The following AK7 variants were observed in gnomAD, a reference collection of about 807,000 sequenced individuals.
AK7 encodes the protein adenylate kinase 7.
A neutral mutation model predicts 96.6 loss-of-function variants in AK7; 78 were observed. The observed-to-expected ratio is 0.81, with a 90% confidence interval of 0.67 to 0.97. AK7 has a LOEUF of 0.97. AK7 is among the 50% of genes least tolerant of loss of function. The pLI, the probability that AK7 is intolerant of heterozygous loss-of-function variation, is 0.00. For synonymous variants in AK7, 302 were observed against 317.2 expected, an observed-to-expected ratio of 0.95 and a Z score of 0.51; for missense variants, 855 against 887.9, an observed-to-expected ratio of 0.96 and a Z score of 0.47.
At chr14:96,428,878 G>A (rs996935436) in intron 5 of AK7, among the ~76,000 whole-genome samples, 2 of 151,986 alleles carry the variant, frequency 1.3e-5, no homozygotes, top group Non-Finnish European at 2.9e-5. Context: ...TTGTCAGATG[G>A]GTAGATTACA....
intron 5 of AK7, 25 bp from the exon 6 acceptor site, chr14:96,437,810 T>C (rs1892725321): frequency 6.4e-7 from 1 of 1,570,868 alleles, no homozygotes; most frequent in Admixed American, 1.8e-5. Context: ...CATCCAGCTT[T>C]TTTTTTCTGT....
intron 5 of AK7, among the ~76,000 whole-genome samples, chr14:96,431,483 G>A (rs563187496): frequency 6.6e-6 from 1 of 152,346 alleles, no homozygotes; most frequent in Admixed American, 6.5e-5. Context: ...TGATTTCAAA[G>A]AACATCTTTA....
chr14:96,424,564 C>T (rs996320736), intron 5 of AK7, among the ~76,000 whole-genome samples: 1 of 151,956 alleles, frequency 6.6e-6, no homozygotes, highest in African/African-American at 2.4e-5. Flanking sequence ...GCTAAGTGAA[C>T]GCTAATAATA....
intron 15 of AK7, among the ~76,000 whole-genome samples, chr14:96,481,034 C>T (rs757531670): frequency 6.6e-6 from 1 of 152,162 alleles, no homozygotes; most frequent in Non-Finnish European, 1.5e-5. Context: ...GTACTCTCCC[C>T]CTCTGTGGCC....
chr14:96,415,049 A>G (rs2140022626), intron 4 of AK7, among the ~76,000 whole-genome samples: 1 of 152,110 alleles, frequency 6.6e-6, no homozygotes, highest in South Asian at 2.1e-4. Flanking sequence ...ATGACCGAAC[A>G]TGGCTGAAGA....
intron 14 of AK7, among the ~76,000 whole-genome samples, chr14:96,473,325 C>T (rs1297238139): frequency 1.3e-5 from 2 of 151,856 alleles, no homozygotes; most frequent in East Asian, 4.0e-4. Context: ...CGCCTACCAC[C>T]ATGACTGGCT....
intron 12 of AK7, among the ~76,000 whole-genome samples, chr14:96,467,999 G>A (rs1894667509): frequency 6.7e-6 from 1 of 149,588 alleles, no homozygotes; most frequent in Admixed American, 6.8e-5. Flanking sequence ...CGCTTTGAGA[G>A]GCTGAGGCAG....
chr14:96,397,981 G>A, intron 1 of AK7, 94 bp from the exon 2 acceptor site: 2 of 1,311,072 alleles, frequency 1.5e-6, no homozygotes, highest in Non-Finnish European at 2.1e-6. Flanking sequence ...CACCCAGCAA[G>A]CACTCGGGAA....
At chr14:96,442,070 A>T (rs959678584) in intron 6 of AK7, among the ~76,000 whole-genome samples, 2 of 151,976 alleles carry the variant, frequency 1.3e-5, no homozygotes, top group Non-Finnish European at 2.9e-5. Flanking sequence ...TACCTCTTTC[A>T]CTCTTAACAA....
At chr14:96,428,233 A>C (rs547792064) in intron 5 of AK7, among the ~76,000 whole-genome samples, 2 of 150,190 alleles carry the variant, frequency 1.3e-5, no homozygotes, top group Non-Finnish European at 1.5e-5. Flanking sequence ...CTGTCCTTGC[A>C]ATAGTTTGCT....
At chr14:96,395,254 A>C (rs1308842497) in intron 1 of AK7, among the ~76,000 whole-genome samples, 1 of 152,224 alleles carries the variant, frequency 6.6e-6, no homozygotes, top group African/African-American at 2.4e-5. Context: ...CATCAAATAT[A>C]CTGCGTTCTT....
intron 6 of AK7, among the ~76,000 whole-genome samples, chr14:96,441,642 C>CAAAAAAAA (rs34473287): frequency 1.1e-5 from 1 of 91,492 alleles, no homozygotes; most frequent in Non-Finnish European, 2.0e-5. Context: ...GACTCCGTCT[C>CAAAAAAAA]AAAAAAAAAA....
chr14:96,423,952 AC>A, intron 5 of AK7: 2 of 1,048,124 alleles, frequency 1.9e-6, no homozygotes, highest in Non-Finnish European at 3.0e-6. Context: ...CATGTGGACC[AC>A]CAGGAAATGA....
At chr14:96,398,289 A>G (rs760739316) in intron 2 of AK7, 26 bp downstream of exon 2, 2 of 1,610,406 alleles carry the variant, frequency 1.2e-6, no homozygotes, top group East Asian at 2.2e-5. Context: ...TCTGGCCAGG[A>G]GTAGACAGAG....
chr14:96,463,386 T>G (rs1894367369), intron 12 of AK7, among the ~76,000 whole-genome samples: 1 of 150,376 alleles, frequency 6.6e-6, no homozygotes, highest in African/African-American at 2.4e-5. Context: ...ACTGCCTCTC[T>G]CTGAACCTGT....
chr14:96,481,518 G>A (rs1895500396), intron 15 of AK7, among the ~76,000 whole-genome samples: 1 of 151,112 alleles, frequency 6.6e-6, no homozygotes, highest in Non-Finnish European at 1.5e-5. Flanking sequence ...GCTAATTTTT[G>A]TGTTTTTGGT....
intron 12 of AK7, among the ~76,000 whole-genome samples, chr14:96,458,682 C>T (rs368337781): frequency 7.4e-5 from 11 of 148,478 alleles, no homozygotes; most frequent in African/African-American, 2.7e-4. Context: ...GCGGAGGTTG[C>T]AGTGAGCCAA....
intron 16 of AK7, among the ~76,000 whole-genome samples, chr14:96,483,949 G>T (rs532708370): frequency 6.6e-6 from 1 of 151,168 alleles, no homozygotes; most frequent in African/African-American, 2.4e-5. Context: ...GCACTCTTAG[G>T]CTGGGCATGG....
At chr14:96,423,780 G>A in intron 5 of AK7, 1 of 739,568 alleles carries the variant, frequency 1.4e-6, no homozygotes, top group Non-Finnish European at 2.5e-6. Context: ...GGGACCCCGA[G>A]CGCGTACTTT....
Sources: allele counts gnomAD v4.1 joint callset (sites outside exome capture counted in the v4.1 genomes callset), GRCh38; gene constraint gnomAD v4.1.1; transcripts MANE v1.5; gene names NCBI Gene and HGNC (gene_info 2026-07-23, HGNC 2026-07-21).